The following RBFOX1 variants were observed in gnomAD, a reference collection of about 807,000 sequenced individuals.
RBFOX1 encodes the protein RNA binding fox-1 homolog 1.
RBFOX1 carries 8 observed loss-of-function variants against 57.7 expected under a neutral mutation model. That is an observed-to-expected ratio of 0.14 (90% confidence interval 0.08 to 0.25). RBFOX1 has a LOEUF of 0.25. Ranked by LOEUF, RBFOX1 falls within the 10% of genes least tolerant of loss-of-function variation. The pLI, the probability that RBFOX1 is intolerant of heterozygous loss-of-function variation, is 1.00. For synonymous variants in RBFOX1, 326 were observed against 222.4 expected, an observed-to-expected ratio of 1.47 and a Z score of -4.15; for missense variants, 611 against 548.5, an observed-to-expected ratio of 1.11 and a Z score of -1.14.
chr16:5,915,700 C>T (rs1332743077), intron 4 of RBFOX1, among the ~76,000 whole-genome samples: 8 of 152,058 alleles, frequency 5.3e-5, no homozygotes, highest in African/African-American at 1.2e-4. Flanking sequence ...GGCATGGTGG[C>T]GCTTGCCTGT....
intron 2 of RBFOX1, among the ~76,000 whole-genome samples, chr16:6,403,419 A>G (rs2093156242): frequency 6.6e-6 from 1 of 151,848 alleles, no homozygotes; most frequent in Non-Finnish European, 1.5e-5. Flanking sequence ...GCAGGAGTGC[A>G]GTGGTGTGAC....
At chr16:5,901,074 C>T (rs1404810026) in intron 4 of RBFOX1, among the ~76,000 whole-genome samples, 3 of 152,184 alleles carry the variant, frequency 2.0e-5, no homozygotes, top group African/African-American at 7.2e-5. Flanking sequence ...AGCCCTTCTT[C>T]ACTCTGTGCT....
chr16:7,384,150 A>T (rs1340657043), intron 4 of RBFOX1, among the ~76,000 whole-genome samples: 1 of 151,912 alleles, frequency 6.6e-6, no homozygotes, highest in Non-Finnish European at 1.5e-5. Context: ...CGGGAGAGAT[A>T]TGTATGCTTA....
chr16:6,748,601 G>T (rs1475534687), intron 3 of RBFOX1, among the ~76,000 whole-genome samples: 1 of 152,198 alleles, frequency 6.6e-6, no homozygotes. Context: ...CGAGGCTGTT[G>T]TGAGTTATAA....
At chr16:6,232,548 A>G (rs2097471743) in intron 1 of RBFOX1, among the ~76,000 whole-genome samples, 1 of 152,078 alleles carries the variant, frequency 6.6e-6, no homozygotes, top group African/African-American at 2.4e-5. Flanking sequence ...TTAAATAGTC[A>G]CTTTAAAAGC....
In RBFOX1 at chr16:5,422,955, AGAG is replaced by A. The variant is rs200828828; in HGVS notation, c.220-44250_220-44248del. On this transcript the variant is annotated intron_variant, in intron 1 of 2. Coordinates refer to the RBFOX1 transcript ENST00000585867. ...ATGAGGGAGAGGGAAGGGGGAGGAA[AGAG>A]GAGGAGGAGGGAGAGGGAGGAGTGG... Among the ~76,000 whole-genome samples, 384 of 86,194 alleles carry A rather than the reference AGAG, an allele frequency of 4.5e-3. 4 individuals are homozygous for A. The highest frequency in any genetic ancestry group is 0.016 in the African/African-American group (347 of 22,056). The allele number at this position is 86,194 out of a possible 152,430, so 56.5% of individuals were successfully genotyped here.
chr16:7,710,403 G>A, intron 15 of RBFOX1: 1 of 1,389,146 alleles, frequency 7.2e-7, no homozygotes. Flanking sequence ...AGGACTGGCT[G>A]ACAGAATTTG....
chr16:6,459,439 C>T (rs2094856072), intron 2 of RBFOX1, among the ~76,000 whole-genome samples: 1 of 152,136 alleles, frequency 6.6e-6, no homozygotes, highest in Non-Finnish European at 1.5e-5. Flanking sequence ...AATTTAGGTA[C>T]ACCAAGAATT....
At chr16:6,855,209 A>C (rs79126438) in intron 3 of RBFOX1, among the ~76,000 whole-genome samples, 2 of 152,062 alleles carry the variant, frequency 1.3e-5, no homozygotes, top group African/African-American at 4.8e-5. Flanking sequence ...AGTACCTGGC[A>C]AAATGATAAG....
chr16:5,725,988 C>G (rs1172358586), intron 3 of RBFOX1, among the ~76,000 whole-genome samples: 2 of 152,074 alleles, frequency 1.3e-5, no homozygotes, highest in East Asian at 1.9e-4. Flanking sequence ...CAAAGAGTCT[C>G]TTCTTTAAAA....
chr16:6,957,252 C>A (rs1321378563), intron 3 of RBFOX1, among the ~76,000 whole-genome samples: 1 of 151,816 alleles, frequency 6.6e-6, no homozygotes, highest in Non-Finnish European at 1.5e-5. Flanking sequence ...CTGCCTCAGC[C>A]TCCCGAGTAG....
At chr16:7,334,890 C>A (rs182360045) in intron 4 of RBFOX1, among the ~76,000 whole-genome samples, 7 of 152,112 alleles carry the variant, frequency 4.6e-5, no homozygotes, top group Non-Finnish European at 1.0e-4. Context: ...TTTTTCCAAG[C>A]GACACCTCTG....
At chr16:6,587,487 G>A (rs1418908544) in intron 2 of RBFOX1, among the ~76,000 whole-genome samples, 5 of 152,048 alleles carry the variant, frequency 3.3e-5, no homozygotes, top group Non-Finnish European at 7.4e-5. Context: ...TCACCTTGTT[G>A]GCCAGGGTGG....
chr16:7,594,790 A>G (rs2094604785), intron 7 of RBFOX1, among the ~76,000 whole-genome samples: 1 of 152,226 alleles, frequency 6.6e-6, no homozygotes, highest in African/African-American at 2.4e-5. Flanking sequence ...TTTCTGGTTA[A>G]CAAAGTAGGA....
At chr16:6,583,904 A>G (rs1041198508) in intron 2 of RBFOX1, among the ~76,000 whole-genome samples, 5 of 152,110 alleles carry the variant, frequency 3.3e-5, no homozygotes, top group African/African-American at 7.2e-5. Flanking sequence ...GTTTGGCTGC[A>G]CTTGTTTGTA....
At chr16:6,068,606 A>G (rs1424568421) in intron 1 of RBFOX1, among the ~76,000 whole-genome samples, 1 of 152,212 alleles carries the variant, frequency 6.6e-6, no homozygotes, top group Non-Finnish European at 1.5e-5. Context: ...AGCAGGAGAC[A>G]AGATAAGGAT....
intron 3 of RBFOX1, among the ~76,000 whole-genome samples, chr16:6,992,798 C>T (rs1483799346): frequency 7.4e-6 from 1 of 135,776 alleles, no homozygotes; most frequent in Non-Finnish European, 1.5e-5. Context: ...ATGACATGAC[C>T]AATGGCCATG....
chr16:6,807,173 G>T (rs113879191), intron 3 of RBFOX1, among the ~76,000 whole-genome samples: 7,677 of 151,990 alleles, frequency 0.051, 294 homozygotes, highest in Non-Finnish European at 0.077. Context: ...TACAATGTGA[G>T]AAACAGATTG....
intron 3 of RBFOX1, among the ~76,000 whole-genome samples, chr16:6,776,379 C>G (rs2079348268): frequency 1.3e-5 from 2 of 152,130 alleles, no homozygotes; most frequent in South Asian, 2.1e-4. Context: ...CCACTGCACT[C>G]CAGCCTGGGT....
Sources: gnomAD v4.1 joint callset for allele counts (sites outside exome capture counted in the v4.1 genomes callset) on GRCh38, gnomAD v4.1.1 for gene constraint, MANE v1.5 for transcripts, NCBI Gene and HGNC (gene_info 2026-07-23, HGNC 2026-07-21) for gene names.